Variants in ABHD2 observed in about 807,000 individuals in gnomAD.
ABHD2 encodes the protein monoacylglycerol lipase ABHD2.
A neutral mutation model predicts 48.1 loss-of-function variants in ABHD2; 20 were observed. That is an observed-to-expected ratio of 0.42 (90% CI 0.29 to 0.60). The LOEUF is 0.60. Among genes scored for constraint, ABHD2 ranks in the 20% least tolerant of loss-of-function variants. ABHD2 has a pLI of 0.24. For missense variants in ABHD2, 405 were observed against 550.9 expected, an observed-to-expected ratio of 0.74 and a Z score of 2.65; for synonymous variants, 209 against 214.2, an observed-to-expected ratio of 0.98 and a Z score of 0.21.
rs73467780 is a variant in ABHD2 at position 89,137,275 on chromosome 15, G to A, written c.195-14402G>A. Among the ~76,000 whole-genome samples the A allele has an allele frequency of 4.6e-5, 7 of 152,166 alleles. No individual in the cohort carries two copies. The highest frequency in any genetic ancestry group is 2.1e-4 in the South Asian group (1 of 4,820). ...CTAGGGAGGATGTGACCAGTTCCGCGTGCTGTTTGTGAACAGGAAGATAGT... is the reference window on the plus strand; with the variant it reads ...CTAGGGAGGATGTGACCAGTTCCGCATGCTGTTTGTGAACAGGAAGATAGT... On this transcript the variant is annotated intron_variant, in intron 3 of 10. Coordinates refer to ENST00000352732, the MANE Select transcript of ABHD2 (RefSeq NM_152924.5). The surrounding 1 kb of genome is among the most constrained non-coding windows in gnomAD (Gnocchi z 4.8).
At chr15:89,071,190 C>T in the ABHD2 span, among the ~76,000 whole-genome samples, 29 of 152,194 alleles carry the variant, frequency 1.9e-4, no homozygotes, top group East Asian at 5.2e-3. Flanking sequence ...GAGGCCAAGG[C>T]GAGTGGATCA....
chr15:89,191,786 G>A (rs2051310514), intron 9 of ABHD2, among the ~76,000 whole-genome samples: 2 of 151,866 alleles, frequency 1.3e-5, no homozygotes, highest in East Asian at 1.9e-4. Flanking sequence ...GTGCCACCAC[G>A]CCTGGCTAAT....
upstream of ABHD2, chr15:89,087,324 G>C (rs772082113): frequency 6.6e-6 from 1 of 152,204 alleles, no homozygotes; most frequent in South Asian, 2.1e-4. The surrounding 1 kb of genome is among the most constrained non-coding windows in gnomAD (Gnocchi z 5.5). Flanking sequence ...TGACTAAATC[G>C]CTCCTCTCAT....
intron 6 of ABHD2, among the ~76,000 whole-genome samples, chr15:89,183,565 A>G (rs2051157351): frequency 6.6e-6 from 1 of 151,862 alleles, no homozygotes; most frequent in South Asian, 2.1e-4. Flanking sequence ...ATCTTAGCCA[A>G]AATAAACAGT....
chr15:89,108,256 A>G (rs1397199774), intron 1 of ABHD2, among the ~76,000 whole-genome samples: 2 of 152,182 alleles, frequency 1.3e-5, no homozygotes, highest in Non-Finnish European at 2.9e-5. Context: ...TAGGCTCTGA[A>G]GGCAAGACTG....
At chr15:89,122,899 A>G (rs1281802045) in intron 3 of ABHD2, among the ~76,000 whole-genome samples, 1 of 149,216 alleles carries the variant, frequency 6.7e-6, no homozygotes, top group Non-Finnish European at 1.5e-5. Context: ...CGAAAAACAG[A>G]GAGTTGAGTT....
At chr15:89,046,183 A>C in the ABHD2 span, among the ~76,000 whole-genome samples, 18 of 152,174 alleles carry the variant, frequency 1.2e-4, no homozygotes, top group Admixed American at 1.2e-3. Flanking sequence ...GGTTCTGTTT[A>C]TGTGCTGGAT....
At chr15:89,049,223 A>C in the ABHD2 span, among the ~76,000 whole-genome samples, 1 of 152,196 alleles carries the variant, frequency 6.6e-6, no homozygotes, top group African/African-American at 2.4e-5. Flanking sequence ...TCAGGGACCC[A>C]CTTGAGGAGG....
Position 89,185,506 on chromosome 15 carries a change from C to G in ABHD2, c.805C>G (p.Leu269Val). The G allele has an allele frequency of 1.2e-6, 2 of 1,614,026 alleles. No individual in the cohort carries two copies. The highest frequency in any genetic ancestry group is 1.7e-6 in the Non-Finnish European group (2 of 1,179,920). Reference sequence around the variant, plus strand: ...GGCTGACAACATGAAGAAGATCATCCTCTCGCACAGGTAGGTCACCTTCCG... The same window carrying G: ...GGCTGACAACATGAAGAAGATCATCGTCTCGCACAGGTAGGTCACCTTCCG... ...LMADNMKKIILSHRQALFGDH... is the reference protein window; with the variant it reads ...LMADNMKKIIVSHRQALFGDH... The change falls in exon 7 of 11, where the codon CTC becomes GTC. Residue 269 changes from leucine to valine, a missense_variant. Transcript: ENST00000352732. This position sits in a 1 kb window ranked among gnomAD's most constrained non-coding sequence, Gnocchi z 5.9.
At chr15:89,041,723 G>A in the ABHD2 span, among the ~76,000 whole-genome samples, 1 of 152,232 alleles carries the variant, frequency 6.6e-6, no homozygotes. Flanking sequence ...GCTGGGGAAA[G>A]CAGCTCTGCC....
At chr15:89,118,934 A>T (rs1467249064) in intron 3 of ABHD2, among the ~76,000 whole-genome samples, 1 of 151,862 alleles carries the variant, frequency 6.6e-6, no homozygotes, top group African/African-American at 2.4e-5. Context: ...AATGGCTCCC[A>T]CCCACCTCCT....
intron 1 of ABHD2, among the ~76,000 whole-genome samples, chr15:89,111,053 T>C (rs2049867478): frequency 6.6e-6 from 1 of 152,146 alleles, no homozygotes; most frequent in Non-Finnish European, 1.5e-5. Flanking sequence ...GTTTCCCTTT[T>C]CCCCCTGACA....
Position 89,151,615 on chromosome 15 carries a change from G to T in ABHD2, c.195-62G>T, listed in dbSNP as rs2050592140. 1.2e-5 allele frequency: 18 copies of T among 1,539,320 alleles called. No individual in the cohort carries two copies. Among genetic ancestry groups the T allele is most frequent in the Non-Finnish European group, 1.6e-5 (18 of 1,140,016 alleles). ...ATAGGTTGAAAGAGTTTTGCTAAAA[G>T]ATTTTTCAGAACGTTGCTCAAGGAA... On this transcript the variant is annotated intron_variant, in intron 3 of 10. Transcript: ENST00000352732. This position sits in a 1 kb window ranked among gnomAD's most constrained non-coding sequence, Gnocchi z 4.7.
At chr15:89,110,538 G>A (rs983132309) in intron 1 of ABHD2, among the ~76,000 whole-genome samples, 1 of 151,770 alleles carries the variant, frequency 6.6e-6, no homozygotes, top group African/African-American at 2.4e-5. Flanking sequence ...AGTACAGATA[G>A]CCTTAACATA....
chr15:89,170,599 C>T (rs1221115134), intron 5 of ABHD2, among the ~76,000 whole-genome samples: 1 of 152,280 alleles, frequency 6.6e-6, no homozygotes, highest in East Asian at 1.9e-4. Flanking sequence ...CTTTAAAAAA[C>T]ATGAACAGAT....
At chr15:89,078,627 G>A in the ABHD2 span, among the ~76,000 whole-genome samples, 6 of 152,032 alleles carry the variant, frequency 3.9e-5, no homozygotes, top group Admixed American at 3.9e-4. Flanking sequence ...TGCTTACAAG[G>A]AAATTTTTTG....
chr15:89,105,983 T>A (rs1011188650), intron 1 of ABHD2, among the ~76,000 whole-genome samples: 9 of 152,144 alleles, frequency 5.9e-5, no homozygotes, highest in African/African-American at 2.2e-4. Flanking sequence ...ATTATAGATG[T>A]AAGCCACTGT....
chr15:89,163,146 A>T (rs2050787716), intron 5 of ABHD2, among the ~76,000 whole-genome samples: 1 of 152,244 alleles, frequency 6.6e-6, no homozygotes, highest in African/African-American at 2.4e-5. Context: ...AGAGGGCATT[A>T]ACATGAAACT....
intron 8 of ABHD2, among the ~76,000 whole-genome samples, chr15:89,190,768 T>G (rs2051290303): frequency 6.6e-6 from 1 of 152,222 alleles, no homozygotes; most frequent in South Asian, 2.1e-4. Context: ...GAGGCTCAGA[T>G]AAGTTGAACC....
Sources: allele counts gnomAD v4.1 joint callset (sites outside exome capture counted in the v4.1 genomes callset), GRCh38; gene constraint gnomAD v4.1.1; non-coding constraint Gnocchi (gnomAD v3.1); transcripts MANE v1.5; gene names NCBI Gene and HGNC (gene_info 2026-07-23, HGNC 2026-07-21).